Variants in OSBPL9 observed in about 807,000 individuals in gnomAD.
OSBPL9 encodes the protein oxysterol-binding protein-related protein 9.
Under a neutral mutation model 106.6 loss-of-function variants are expected in OSBPL9, and 40 were observed. That is an observed-to-expected ratio of 0.38 (90% CI 0.29 to 0.49). The LOEUF is 0.49. Among genes scored for constraint, OSBPL9 ranks in the 20% least tolerant of loss-of-function variants. The pLI, the probability that OSBPL9 is intolerant of heterozygous loss-of-function variation, is 0.97. For synonymous variants in OSBPL9, 269 were observed against 295.4 expected (o/e 0.91, Z 0.92); for missense variants, 609 against 887.2 (o/e 0.69, Z 3.98).
upstream of OSBPL9, among the ~76,000 whole-genome samples, chr1:51,615,031 G>A (rs1001512590): frequency 2.6e-5 from 4 of 152,168 alleles, no homozygotes; most frequent in Non-Finnish European, 5.9e-5. Context: ...AGGCCGAAGT[G>A]GGTGGATCAC....
intron 3 of OSBPL9, among the ~76,000 whole-genome samples, chr1:51,680,660 C>CA (rs986998583): frequency 1.5e-4 from 22 of 145,432 alleles, no homozygotes; most frequent in East Asian, 6.0e-4. Context: ...GACCCTGTCT[C>CA]AAAAAAAACA....
chr1:51,709,234 CT>C (rs1406005500), intron 3 of OSBPL9: 1 of 208,032 alleles, frequency 4.8e-6, no homozygotes, highest in Non-Finnish European at 1.0e-5. Flanking sequence ...GTGTGGTGGG[CT>C]GCAAGGTCCA....
Position 51,591,109 on chromosome 1 carries a change from G to A in OSBPL9, c.-422-7015G>A, listed in dbSNP as rs538624428. Among the ~76,000 whole-genome samples the A allele has an allele frequency of 2.6e-5, 4 of 152,064 alleles. No individual in the cohort carries two copies. In the East Asian group the frequency reaches 7.8e-4, roughly 30 times the overall value. On this transcript the variant is annotated intron_variant, in intron 1 of 25. Coordinates refer to the OSBPL9 transcript ENST00000371714. ...AATTTTTTGTATTTTTAGTAGAGAT[G>A]GGGTTTCACCATGTTAGCCAGGATG...
At chr1:51,722,101 G>A (rs949634337) in intron 4 of OSBPL9, among the ~76,000 whole-genome samples, 1 of 152,200 alleles carries the variant, frequency 6.6e-6, no homozygotes, top group African/African-American at 2.4e-5. Context: ...AGGCAGGATT[G>A]CTTGAGGCCA....
chr1:51,746,673 TG>T (rs1440025571), intron 5 of OSBPL9, 36 bp from the exon 6 acceptor site: 2 of 1,467,700 alleles, frequency 1.4e-6, no homozygotes, highest in Non-Finnish European at 1.9e-6. Context: ...TATAGTAAAG[TG>T]GCTTGATACT....
intron 15 of OSBPL9, among the ~76,000 whole-genome samples, chr1:51,779,804 G>T (rs912677195): frequency 6.6e-6 from 1 of 152,126 alleles, no homozygotes; most frequent in East Asian, 1.9e-4. Flanking sequence ...TTGGCCGGGC[G>T]CGGTGGCTCA....
intron 2 of OSBPL9, among the ~76,000 whole-genome samples, chr1:51,658,758 A>G (rs1646966807): frequency 6.6e-6 from 1 of 151,264 alleles, no homozygotes. Context: ...TTTTTTTTTC[A>G]CAATGCAATA....
intron 2 of OSBPL9, among the ~76,000 whole-genome samples, chr1:51,662,477 G>T (rs1286212355): frequency 3.3e-5 from 5 of 152,162 alleles, no homozygotes; most frequent in Non-Finnish European, 5.9e-5. Context: ...AGATGCAAGT[G>T]AGTCTTCAGG....
chr1:51,669,064 A>G (rs994726901), intron 2 of OSBPL9, among the ~76,000 whole-genome samples: 1 of 152,182 alleles, frequency 6.6e-6, no homozygotes, highest in African/African-American at 2.4e-5. Context: ...TCAGCCTTAC[A>G]ACAACCTGGT....
chr1:51,568,806 T>C, the OSBPL9 span, among the ~76,000 whole-genome samples: 1 of 152,218 alleles, frequency 6.6e-6, no homozygotes, highest in East Asian at 1.9e-4. Context: ...CTCGGCTCAC[T>C]ACAACCTCCA....
At chr1:51,548,862 T>C in the OSBPL9 span, among the ~76,000 whole-genome samples, 5 of 152,178 alleles carry the variant, frequency 3.3e-5, no homozygotes, top group African/African-American at 1.2e-4. Flanking sequence ...TGAAAATATG[T>C]AACAATTGGT....
At chr1:51,726,295 G>T (rs903583893) in intron 4 of OSBPL9, among the ~76,000 whole-genome samples, 1 of 152,018 alleles carries the variant, frequency 6.6e-6, no homozygotes, top group Non-Finnish European at 1.5e-5. Context: ...AACAGTTGTT[G>T]GTTTTTCAGT....
chr1:51,749,604 C>A, intron 7 of OSBPL9: 1 of 312,728 alleles, frequency 3.2e-6, no homozygotes, highest in Admixed American at 3.1e-5. Context: ...AATCACCATA[C>A]CCAGCCTATC....
intron 4 of OSBPL9, among the ~76,000 whole-genome samples, chr1:51,743,495 T>A (rs1463110501): frequency 6.6e-6 from 1 of 152,244 alleles, no homozygotes; most frequent in Non-Finnish European, 1.5e-5. Context: ...TTAAAAAGGA[T>A]GTTTTAGTTA....
At chr1:51,539,599 T>C in the OSBPL9 span, among the ~76,000 whole-genome samples, 7,097 of 152,330 alleles carry the variant, frequency 0.047, 229 homozygotes, top group Non-Finnish European at 0.071. Flanking sequence ...TGCCAGGAAC[T>C]GTTTTACATG....
At chr1:51,707,140 C>T in intron 3 of OSBPL9, 2 of 385,078 alleles carry the variant, frequency 5.2e-6, no homozygotes, top group South Asian at 4.0e-5. Context: ...GGCACTTACT[C>T]CTTGGAGGCC....
intron 3 of OSBPL9, among the ~76,000 whole-genome samples, chr1:51,671,766 G>C (rs1416318944): frequency 6.6e-6 from 1 of 152,082 alleles, no homozygotes; most frequent in African/African-American, 2.4e-5. Context: ...AGGGTAGCTA[G>C]GGAAAGACTC....
intron 2 of OSBPL9, among the ~76,000 whole-genome samples, chr1:51,653,351 C>T (rs1293835403): frequency 6.6e-6 from 1 of 152,190 alleles, no homozygotes; most frequent in Non-Finnish European, 1.5e-5. Flanking sequence ...TTTAGCAGAA[C>T]TGTCTTGACA....
chr1:51,555,382 C>T, the OSBPL9 span, among the ~76,000 whole-genome samples: 2 of 151,580 alleles, frequency 1.3e-5, no homozygotes, highest in Non-Finnish European at 1.5e-5. Flanking sequence ...CCCAGCTACT[C>T]GGGAGGCTGA....
Sources: allele counts gnomAD v4.1 joint callset (sites outside exome capture counted in the v4.1 genomes callset), GRCh38; gene constraint gnomAD v4.1.1; transcripts MANE v1.5; gene names NCBI Gene and HGNC (gene_info 2026-07-23, HGNC 2026-07-21).